Variants in PLEC observed in about 807,000 individuals in gnomAD.
PLEC encodes plectin, also known as hemidesmosomal protein 1.
In PLEC, 216 loss-of-function variants were observed where a neutral mutation model predicts 392.8. The ratio of observed to expected loss-of-function variants is 0.55; its 90% CI spans 0.49 to 0.62. The LOEUF (loss-of-function observed/expected upper bound fraction) is 0.62, where lower values mean the gene tolerates loss of function less well. Ranked by LOEUF, PLEC falls within the 20% of genes least tolerant of loss-of-function variation. The probability of loss-of-function intolerance (pLI) is 0.00; values close to 1 mark genes in which losing one functional copy is unlikely to be tolerated. For synonymous variants in PLEC, 3,621 were observed against 2,980.6 expected, an observed-to-expected ratio of 1.21 and a Z score of -7.00; for missense variants, 6,863 against 6,563.4, an observed-to-expected ratio of 1.05 and a Z score of -1.58.
chr8:143,937,529 A>AG (rs1234442515), intron 3 of PLEC: 28 of 536,194 alleles, frequency 5.2e-5, no homozygotes, highest in African/African-American at 1.7e-4. Flanking sequence ...GTGGCACTAA[A>AG]GGGGGGGTCC....
rs199720565 is a variant in PLEC, at chr8:143,923,072, G to A, written c.6857C>T (p.Ala2286Val). The A allele has an allele frequency of 1.4e-4, 227 of 1,608,946 alleles. 1 individual carries two copies. The highest frequency in any genetic ancestry group is 4.7e-4 in the East Asian group (21 of 44,844). The part of the protein sequence containing the change: ...VAEEAARLSV[A>V]AQEAARLRQL... ...CCGCAGTCGCGCAGCCTCTTGGGCC[G>A]CCACACTCAGCCGCGCGGCCTCCTC... is the stretch of plus-strand genomic sequence containing the variant. Residue 2286 changes from alanine to valine, a missense_variant, in exon 31 of 32, where the codon GCG (alanine) becomes GTG (valine). Ala to Val is a moderately conservative substitution (Grantham distance 64). Transcript: ENST00000345136.
At chr8:143,946,838 C>T (rs1831548922) in intron 1 of PLEC, among the ~76,000 whole-genome samples, 1 of 150,722 alleles carries the variant, frequency 6.6e-6, no homozygotes, top group African/African-American at 2.4e-5. Flanking sequence ...CCAAACTGCC[C>T]ACCACACCCC....
upstream of PLEC, chr8:143,944,087 C>T (rs1554730787): frequency 1.5e-5 from 11 of 726,132 alleles, no homozygotes; most frequent in African/African-American, 3.7e-5. Flanking sequence ...CCTCCCTCCG[C>T]GGGTCCGGCC....
At position 143,927,843 on chromosome 8, in the gene PLEC, C is replaced by T. The variant is rs782484285; in HGVS notation, c.3399+11G>A. 1.3e-5 allele frequency: 21 copies of T among 1,590,638 alleles called. No homozygotes were observed. The highest frequency in any genetic ancestry group is 1.7e-4 in the Middle Eastern group (1 of 6,032). Reference sequence around the variant, plus strand: ...CCACCCCGCCATGAAGCCCAAGCCTCGAAACGATACCTTCAGAGAGGCCTT... The same window carrying T: ...CCACCCCGCCATGAAGCCCAAGCCTTGAAACGATACCTTCAGAGAGGCCTT... On this transcript the variant is annotated intron_variant, in intron 26 of 31. Transcript: ENST00000345136.
chr8:143,935,231 C>G lies in PLEC; in HGVS notation c.685G>C (p.Asp229His). ...LDQAFSVAER[D>H]LGVTRLLDPE... is the part of the protein sequence containing the mutation. ...TCCAGGAGCCGCGTCACTCCCAGGT[C>G]CCGCTCCGCCACAGAGAAGGCCTGG... is the stretch of plus-strand genomic sequence containing the variant. The change falls in exon 7 of 32, where the codon GAC (aspartate) becomes CAC (histidine). Residue 229 changes from aspartate to histidine, a missense_variant. Coordinates refer to ENST00000345136, the MANE Select transcript of PLEC (RefSeq NM_201384.3). 1 of 1,612,516 alleles carries G rather than the reference C, an allele frequency of 6.2e-7. No individual in the cohort carries two copies. Among genetic ancestry groups the G allele is most frequent in the Non-Finnish European group, 8.5e-7 (1 of 1,179,950 alleles).
In PLEC at chr8:143,921,497, G is replaced by C. The variant is rs782209648; in HGVS notation, c.8324C>G (p.Thr2775Ser). Residue 2775 changes from threonine (T) to serine (S), a missense_variant, in exon 32 of 32, where the codon ACT becomes AGT. Transcript: ENST00000345136. ...HKLLSAERAV[T>S]GYKDPYTGQQ... ...GCCAGTGTAGGGGTCCTTGTAGCCA[G>C]TGACGGCGCGCTCGGCCGACAGCAG... The C allele has an allele frequency of 2.5e-5, 41 of 1,613,068 alleles. No individual in the cohort carries two copies. Among genetic ancestry groups the C allele is most frequent in the Non-Finnish European group, 3.5e-5 (41 of 1,179,842 alleles).
chr8:143,920,686 C>T lies in PLEC; in HGVS notation c.9135G>A (p.Lys3045=), dbSNP rs1563978244. 3.1e-6 allele frequency: 5 copies of T among 1,602,912 alleles called. No homozygotes were observed. Among genetic ancestry groups the T allele is most frequent in the African/African-American group, 1.3e-5 (1 of 74,934 alleles). ...GQKLSIYNAL[K]KDLLPSDMAV... ...CCATGTCGGATGGCAGCAGGTCTTT[C>T]TTCAGGGCATTGTAGATACTCAGCT... Residue 3045 remains lysine, a synonymous_variant, in exon 32 of 32, where the codon AAG becomes AAA. Transcript: ENST00000345136.
At chr8:143,945,726 GCA>G (rs1831365623) in intron 1 of PLEC, among the ~76,000 whole-genome samples, 1 of 152,178 alleles carries the variant, frequency 6.6e-6, no homozygotes, top group Non-Finnish European at 1.5e-5. Flanking sequence ...CCACAGCAAG[GCA>G]CAGTGAACCA....
upstream of PLEC, chr8:143,975,135 C>G: frequency 6.3e-7 from 1 of 1,586,142 alleles, no homozygotes; most frequent in Non-Finnish European, 8.5e-7. This position sits in a 1 kb window ranked among gnomAD's most constrained non-coding sequence, Gnocchi z 9.9. Flanking sequence ...CAGTCAACCT[C>G]GCGTGCCAAG....
Position 143,923,083 on chromosome 8 carries a change from C to T in PLEC, c.6846G>A (p.Arg2282=), listed in dbSNP as rs782200893. Residue 2282 remains arginine, a synonymous_variant, in exon 31 of 32, where the codon CGG becomes CGA. Coordinates refer to ENST00000345136, the MANE Select transcript of PLEC (RefSeq NM_201384.3). ...KMKQVAEEAA[R]LSVAAQEAAR... is the part of the protein sequence containing the mutation. Reference sequence around the variant, plus strand: ...CAGCCTCTTGGGCCGCCACACTCAGCCGCGCGGCCTCCTCCGCCACCTGCT... The same window carrying T: ...CAGCCTCTTGGGCCGCCACACTCAGTCGCGCGGCCTCCTCCGCCACCTGCT... 28 of 1,608,082 alleles carry T rather than the reference C, an allele frequency of 1.7e-5. 1 individual carries two copies. The South Asian group carries it at 3.0e-4, about 17-fold the overall frequency.
In PLEC at chr8:143,939,439, A is replaced by AG. The variant is rs1554726732; in HGVS notation, c.22_23insC (p.Val8AlafsTer27). On this transcript the variant is annotated frameshift_variant, in exon 1 of 32. Transcript: ENST00000345136. LOFTEE classifies it high-confidence loss of function. ...TCGGCCCAGGCCCTCGGGCTGCGGCACGCGGAGCTGGTGCTGAGACATGCT... is the reference window on the plus strand; with the variant it reads ...TCGGCCCAGGCCCTCGGGCTGCGGCAGCGCGGAGCTGGTGCTGAGACATGCT... 1 of 1,612,032 alleles carries AG rather than the reference A, an allele frequency of 6.2e-7. No homozygotes were observed. The highest frequency in any genetic ancestry group is 8.5e-7 in the Non-Finnish European group (1 of 1,179,702).
At chr8:143,938,986 C>T (rs993677908) in intron 1 of PLEC, among the ~76,000 whole-genome samples, 10 of 141,926 alleles carry the variant, frequency 7.0e-5, no homozygotes, top group African/African-American at 2.4e-4. Context: ...ACACAAGTCC[C>T]GTCCTGCAGT....
rs200549149 is a variant in PLEC at position 143,930,081 on chromosome 8, A to T, written c.2613-19T>A. The T allele has an allele frequency of 7.5e-6, 12 of 1,607,622 alleles. No homozygotes were observed. The highest frequency in any genetic ancestry group is 1.0e-5 in the Non-Finnish European group (12 of 1,179,558). ...CTCCAGCCTGGCAGGTCAGGGCTAC[A>T]GTCAGCGTCACCAGCGCCCCACCCG... On this transcript the variant is annotated intron_variant, in intron 21 of 31. Transcript: ENST00000345136.
At position 143,925,281 on chromosome 8, in the gene PLEC, G is replaced by GCTCCGCCTC. The variant is rs1824628854; in HGVS notation, c.4639_4647dup (p.Glu1547_Glu1549dup). On this transcript the variant is annotated inframe_insertion, in exon 31 of 32. Coordinates refer to ENST00000345136, the MANE Select transcript of PLEC (RefSeq NM_201384.3). ...TCCACCTCGGCCTGCCGCAGGCGCC[G>GCTCCGCCTC]CTCCGCCTCCTCCGCCTGCAGCCGC... 1.3e-6 allele frequency: 2 copies of GCTCCGCCTC among 1,580,078 alleles called. No individual in the cohort carries two copies. Among genetic ancestry groups the GCTCCGCCTC allele is most frequent in the Non-Finnish European group, 1.7e-6 (2 of 1,171,802 alleles).
chr8:143,942,304 A>T, upstream of PLEC: 1 of 1,513,750 alleles, frequency 6.6e-7, no homozygotes, highest in South Asian at 1.1e-5. Context: ...ATCCCAGCCC[A>T]GGCGGCGGTT....
chr8:143,931,524 C>T lies in PLEC; in HGVS notation c.2304+10G>A. 1 of 1,582,014 alleles carries T rather than the reference C, an allele frequency of 6.3e-7. No individual in the cohort carries two copies. ...CCTCCTGACACGCCCCTGCACACCCCCTCCCTCACCTGGGCATCCTGCAGC... is the reference window on the plus strand; with the variant it reads ...CCTCCTGACACGCCCCTGCACACCCTCTCCCTCACCTGGGCATCCTGCAGC... On this transcript the variant is annotated intron_variant, in intron 19 of 31. Coordinates refer to ENST00000345136, the MANE Select transcript of PLEC (RefSeq NM_201384.3).
rs200351757 is a variant in PLEC at position 143,928,003 on chromosome 8, A to G, written c.3261-11T>C. 3.4e-4 allele frequency: 536 copies of G among 1,588,276 alleles called. 1 individual carries two copies. Among genetic ancestry groups the G allele is most frequent in the Admixed American group, 4.6e-4 (27 of 59,004 alleles). On this transcript the variant is annotated splice_polypyrimidine_tract_variant and intron_variant, in intron 25 of 31. Coordinates refer to ENST00000345136, the MANE Select transcript of PLEC (RefSeq NM_201384.3). ...CTGATGGTCTTGAGCCTGGCGGGAAAGCGGGGCTCAGGGCCATGACATGGG... is the reference window on the plus strand; with the variant it reads ...CTGATGGTCTTGAGCCTGGCGGGAAGGCGGGGCTCAGGGCCATGACATGGG...
In PLEC at chr8:143,924,002, G is replaced by GCCAGCTGCCGCTGCCTCGCAGCCT. The variant is rs1564031057; in HGVS notation, c.5903_5926dup (p.Glu1968_Leu1975dup). 6.3e-7 allele frequency: 1 copy of GCCAGCTGCCGCTGCCTCGCAGCCT among 1,585,270 alleles called. No individual in the cohort carries two copies. Among genetic ancestry groups the GCCAGCTGCCGCTGCCTCGCAGCCT allele is most frequent in the Non-Finnish European group, 8.5e-7 (1 of 1,171,508 alleles). ...ACGGCGCCGCCGCTCCTCCTCCGCC[G>GCCAGCTGCCGCTGCCTCGCAGCCT]CCAGCTGCCGCTGCCTCGCAGCCTC... is the stretch of plus-strand genomic sequence containing the variant. On this transcript the variant is annotated inframe_insertion, in exon 31 of 32. Coordinates refer to ENST00000345136, the MANE Select transcript of PLEC (RefSeq NM_201384.3).
rs782678351 is a variant in PLEC at position 143,924,340 on chromosome 8, G to A, written c.5589C>T (p.Asn1863=). ...CCTCCGCCAGCCGCCGCAGGCGCTC[G>A]TTCTCCGCCTCCTTCTCCTTGAGCG... ...EIALKEKEAE[N]ERLRRLAEDE... The change falls in exon 31 of 32, where the codon AAC becomes AAT. Residue 1863 remains asparagine, a synonymous_variant. Coordinates refer to ENST00000345136, the MANE Select transcript of PLEC (RefSeq NM_201384.3). The A allele has an allele frequency of 7.1e-5, 113 of 1,596,714 alleles. No individual in the cohort carries two copies. The highest frequency in any genetic ancestry group is 5.9e-4 in the South Asian group (54 of 90,886).
Sources: gnomAD v4.1 joint callset for allele counts (sites outside exome capture counted in the v4.1 genomes callset) on GRCh38, gnomAD v4.1.1 for gene constraint, Gnocchi (gnomAD v3.1) non-coding constraint, MANE v1.5 for transcripts, NCBI Gene and HGNC (gene_info 2026-07-23, HGNC 2026-07-21) for gene names.